CCNL2: variants seen among roughly 807,000 people sequenced by gnomAD.
CCNL2 encodes the protein cyclin-L2.
In CCNL2, 28 loss-of-function variants were observed where a neutral mutation model predicts 59.1. The observed-to-expected ratio is 0.47, with a 90% CI of 0.35 to 0.65. The LOEUF is 0.65. Among genes scored for constraint, CCNL2 ranks in the 30% least tolerant of loss-of-function variants. CCNL2 has a pLI of 0.00. For missense variants in CCNL2, 714 were observed against 717.4 expected (o/e 1.00, Z 0.05); for synonymous variants, 342 against 288.6 (o/e 1.19, Z -1.88).
chr1:1,394,492 G>A (rs1644909360), intron 4 of CCNL2, among the ~76,000 whole-genome samples: 1 of 152,032 alleles, frequency 6.6e-6, no homozygotes, highest in South Asian at 2.1e-4. Flanking sequence ...GCTCACACTT[G>A]TAATCCCAGA....
At chr1:1,394,343 C>T (rs189140336) in intron 4 of CCNL2, among the ~76,000 whole-genome samples, 1 of 152,280 alleles carries the variant, frequency 6.6e-6, no homozygotes, top group East Asian at 1.9e-4. Context: ...CGGCCATGGT[C>T]CTCAGTCAGT....
rs761207752 is a variant in CCNL2 at position 1,390,478 on chromosome 1, T to C, written c.845A>G (p.Gln282Arg). 6 of 1,613,730 alleles carry C rather than the reference T, an allele frequency of 3.7e-6. No homozygotes were observed. In the South Asian group the frequency reaches 4.4e-5, roughly 12 times the overall value. ...EIQEICLKIL[Q>R]LYARKKVDLT... is the part of the protein sequence containing the mutation. ...AAGAACCTTTTTCCGAGCATAAAGC[T>C]GCAAGATCTTTAAGCAGATTTCCTG... is the stretch of plus-strand genomic sequence containing the variant. The change falls in exon 7 of 11, where the codon CAG becomes CGG. Residue 282 changes from glutamine to arginine, a missense_variant. By Grantham distance (43) the Gln-to-Arg change is conservative. Around this residue, in one of 5 missense-constraint regions of CCNL2, gnomAD observed 403 missense variants for 377.7 expected, o/e 1.07. Transcript: ENST00000400809.
At chr1:1,397,795 G>C (rs1237726837) in intron 3 of CCNL2, among the ~76,000 whole-genome samples, 2 of 152,180 alleles carry the variant, frequency 1.3e-5, no homozygotes, top group African/African-American at 4.8e-5. Context: ...AGCCTAGGAG[G>C]TTGAGGCTGT....
At chr1:1,397,319 G>C (rs191679349) in intron 3 of CCNL2, among the ~76,000 whole-genome samples, 77 of 152,228 alleles carry the variant, frequency 5.1e-4, no homozygotes, top group Non-Finnish European at 9.4e-4. Context: ...TTTGGAAACA[G>C]GGCCTCACCC....
At chr1:1,394,986 G>A (rs1031200669) in intron 4 of CCNL2, among the ~76,000 whole-genome samples, 3 of 151,888 alleles carry the variant, frequency 2.0e-5, no homozygotes, top group Non-Finnish European at 4.4e-5. Flanking sequence ...GAAGCCGGGA[G>A]GTGGAGGTTG....
At chr1:1,396,732 A>G (rs11488469) in intron 3 of CCNL2, among the ~76,000 whole-genome samples, 10,266 of 150,550 alleles carry the variant, frequency 0.068, 608 homozygotes, top group African/African-American at 0.16. Flanking sequence ...GGCACCCGCA[A>G]CCACACCCGG....
intron 2 of CCNL2, 91 bp downstream of exon 2, chr1:1,398,506 A>G (rs937811091): frequency 1.1e-5 from 18 of 1,572,558 alleles, no homozygotes; most frequent in Admixed American, 1.8e-5. Context: ...CTGGGGGGCA[A>G]GTACTCACTC....
rs1644831354 is a variant in CCNL2 at position 1,392,975 on chromosome 1, T to G, written c.659+421A>C. ...CAAATACTACATTGCACTTTAGGGTTCCTTTCTAGCACATGCATTGCTAAA... is the reference window on the plus strand; with the variant it reads ...CAAATACTACATTGCACTTTAGGGTGCCTTTCTAGCACATGCATTGCTAAA... On this transcript the variant is annotated intron_variant, in intron 5 of 10. Transcript: ENST00000400809. The G allele has an allele frequency of 3.6e-5, 25 of 689,452 alleles. 1 individual carries two copies. The highest frequency in any genetic ancestry group is 3.3e-4 in the South Asian group (18 of 54,436). 42.7% of individuals were successfully genotyped at this position (689,452 alleles called of 1,614,324 possible).
rs971711175 is a variant in CCNL2 at position 1,392,514 on chromosome 1, C to T, written c.659+882G>A. On this transcript the variant is annotated intron_variant, in intron 5 of 10. Transcript: ENST00000400809. ...ATTTTTTTTTAAGAGAAAGGTACTG[C>T]ATCTTTATCATACAGGTACAGCAGT... 8 of 1,313,968 alleles carry T rather than the reference C, an allele frequency of 6.1e-6. No homozygotes were observed. In the African/African-American group the frequency reaches 1.2e-4, roughly 20 times the overall value. The allele number at this position is 1,313,968 out of a possible 1,614,324, so 81.4% of individuals were successfully genotyped here. A position where few individuals can be genotyped will look rare whatever the true frequency, so the allele number is the denominator to read the frequency against.
At chr1:1,395,539 T>G (rs370665083) in intron 3 of CCNL2, 25 bp from the exon 4 acceptor site, 2 of 1,613,366 alleles carry the variant, frequency 1.2e-6, no homozygotes, top group Non-Finnish European at 1.7e-6. Flanking sequence ...GCACAGGGTC[T>G]GCACCACAGT....
chr1:1,391,471 T>G, intron 5 of CCNL2: 1 of 1,269,984 alleles, frequency 7.9e-7, no homozygotes, highest in Non-Finnish European at 1.0e-6. Context: ...TGGGTGCAAG[T>G]TGGACGCGTG....
intron 2 of CCNL2, 25 bp from the exon 3 acceptor site, chr1:1,398,367 C>T: frequency 6.2e-7 from 1 of 1,613,776 alleles, no homozygotes; most frequent in Non-Finnish European, 8.5e-7. Context: ...TTGCAACACG[C>T]CCATGTTTGT....
At chr1:1,391,240 C>T in intron 5 of CCNL2, 1 of 1,103,482 alleles carries the variant, frequency 9.1e-7, no homozygotes, top group South Asian at 2.4e-5. Context: ...CACTAAAACG[C>T]TTTTGATTAA....
intron 10 of CCNL2, 57 bp from the exon 11 acceptor site, chr1:1,387,639 C>A: frequency 7.0e-7 from 1 of 1,424,068 alleles, no homozygotes; most frequent in Non-Finnish European, 9.4e-7. Context: ...CCAGGCCCCA[C>A]ACACCCACAG....
At chr1:1,388,184 C>T in intron 8 of CCNL2, 119 bp from the exon 9 acceptor site, 1 of 749,802 alleles carries the variant, frequency 1.3e-6, no homozygotes, top group South Asian at 1.6e-5. Context: ...CAGACTGTAA[C>T]TTCCGGCTCC....
At chr1:1,388,620 A>C (rs1391566522) in intron 8 of CCNL2, 1 of 413,112 alleles carries the variant, frequency 2.4e-6, no homozygotes, top group African/African-American at 2.1e-5. Flanking sequence ...CTCACACACA[A>C]ATTACCTGAG....
At chr1:1,388,556 TGA>T (rs1409865628) in intron 8 of CCNL2, 16 of 393,926 alleles carry the variant, frequency 4.1e-5, no homozygotes, top group African/African-American at 2.6e-4. Context: ...CCAAAACATG[TGA>T]GTGTGTGTCT....
At chr1:1,390,180 C>G (rs1165823543) in intron 8 of CCNL2, 50 bp downstream of exon 8, 1 of 1,539,724 alleles carries the variant, frequency 6.5e-7, no homozygotes. Flanking sequence ...GGGAGAGTCA[C>G]CAGTCTTTGC....
intron 4 of CCNL2, among the ~76,000 whole-genome samples, chr1:1,394,638 T>C (rs142365476): frequency 0.03 from 4,527 of 150,718 alleles, 119 homozygotes; most frequent in Non-Finnish European, 0.04. Flanking sequence ...TAATCCCAGC[T>C]ACTTGGGAGG....
Sources: gnomAD v4.1 joint callset for allele counts (sites outside exome capture counted in the v4.1 genomes callset) on GRCh38, gnomAD v4.1.1 for gene constraint, gnomAD v4.1.1 regional missense constraint, MANE v1.5 for transcripts, NCBI Gene and HGNC (gene_info 2026-07-23, HGNC 2026-07-21) for gene names.